Variants in THNSL1 observed in about 807,000 individuals in gnomAD.
THNSL1 encodes threonine synthase-like 1.
A neutral mutation model predicts 50.4 loss-of-function variants in THNSL1; 48 were observed. The observed-to-expected ratio is 0.95, with a 90% CI of 0.76 to 1.21. The LOEUF (loss-of-function observed/expected upper bound fraction) is 1.21. Ranked by LOEUF, THNSL1 falls within the 50% of genes most tolerant of loss-of-function variation. THNSL1 has a pLI of 0.00. For synonymous variants in THNSL1, 309 were observed against 306.1 expected, an observed-to-expected ratio of 1.01 and a Z score of -0.10; for missense variants, 896 against 871.7, an observed-to-expected ratio of 1.03 and a Z score of -0.35.
chr10:24,952,584 C>T, the THNSL1 span: 3 of 1,444,386 alleles, frequency 2.1e-6, no homozygotes, highest in Admixed American at 2.0e-5. This position sits in a 1 kb window ranked among gnomAD's most constrained non-coding sequence, Gnocchi z 5.1. Context: ...ATGTTTCTCC[C>T]GGGGAACGCG....
rs1350875780 is a variant in THNSL1, at chr10:25,025,644, G to A, written c.*189G>A. ...ACCTCCTCAGATCTTTAATCTGGAA[G>A]TGACAAAAGGTAACACAGTGCACGG... is the stretch of plus-strand genomic sequence containing the variant. On this transcript the variant is annotated 3_prime_UTR_variant, in exon 3 of 3. Transcript: ENST00000376356. The A allele has an allele frequency of 1.3e-5, 8 of 612,514 alleles. No homozygotes were observed. The allele number at this position is 612,514 out of a possible 1,614,324, so 37.9% of individuals were successfully genotyped here.
At position 25,025,228 on chromosome 10, in the gene THNSL1, TC is replaced by T. The variant is rs1276267957; in HGVS notation, c.2006del (p.Ser669Ter). 1 of 1,614,190 alleles carries T rather than the reference TC, an allele frequency of 6.2e-7. No homozygotes were observed. The highest frequency in any genetic ancestry group is 1.7e-5 in the Admixed American group (1 of 60,018). On this transcript the variant is annotated frameshift_variant, in exon 3 of 3. Transcript: ENST00000376356. LOFTEE classifies it high-confidence loss of function. ...GATTATCTCATCTACAGCCCATTAC[TC>T]AAAGTTTGCACCTGCTATCATGCAG... ...PVIISSTAHY[S>X]KFAPAIMQAL...
chr10:24,964,216 T>C, the THNSL1 span, among the ~76,000 whole-genome samples: 3 of 152,252 alleles, frequency 2.0e-5, no homozygotes, highest in Non-Finnish European at 4.4e-5. Context: ...ACTCATCCCC[T>C]GCTATTCTTT....
the THNSL1 span, among the ~76,000 whole-genome samples, chr10:24,994,096 G>A: frequency 6.6e-6 from 1 of 152,144 alleles, no homozygotes; most frequent in African/African-American, 2.4e-5. Flanking sequence ...AGTGTCCTCT[G>A]AAAACAGCCT....
chr10:25,019,865 CT>C (rs1283107805), intron 1 of THNSL1, among the ~76,000 whole-genome samples: 1 of 151,962 alleles, frequency 6.6e-6, no homozygotes, highest in African/African-American at 2.4e-5. Flanking sequence ...ATCCTCAAAT[CT>C]TTTTTTTCCA....
the THNSL1 span, among the ~76,000 whole-genome samples, chr10:24,975,963 T>C: frequency 6.6e-6 from 1 of 152,226 alleles, no homozygotes; most frequent in African/African-American, 2.4e-5. Flanking sequence ...GACATCTAAG[T>C]GATGGGAAAG....
the THNSL1 span, among the ~76,000 whole-genome samples, chr10:24,997,852 C>T: frequency 0.026 from 3,759 of 146,270 alleles, 155 homozygotes; most frequent in African/African-American, 0.094. Context: ...TATGTTTAAC[C>T]CTAGAGAGGC....
At chr10:24,956,666 T>C in the THNSL1 span, among the ~76,000 whole-genome samples, 6 of 152,176 alleles carry the variant, frequency 3.9e-5, no homozygotes, top group Admixed American at 2.6e-4. Context: ...GGTGAGAACA[T>C]TCAAAATTGT....
intron 1 of THNSL1, among the ~76,000 whole-genome samples, chr10:25,020,413 T>G (rs934416531): frequency 1.3e-5 from 2 of 152,112 alleles, no homozygotes; most frequent in African/African-American, 4.8e-5. Context: ...CCTTACAATC[T>G]ACTTTTAATG....
At chr10:24,958,446 T>C in the THNSL1 span, among the ~76,000 whole-genome samples, 1 of 152,246 alleles carries the variant, frequency 6.6e-6, no homozygotes, top group Admixed American at 6.5e-5. Context: ...AGTAAGACTC[T>C]TGCTAACTTT....
At chr10:25,016,073 C>G (rs1225539469), upstream of THNSL1, 3 of 1,401,210 alleles carry the variant, frequency 2.1e-6, no homozygotes, top group African/African-American at 2.9e-5. Flanking sequence ...TCCTTCACAT[C>G]GTCCCCCTTT....
the THNSL1 span, chr10:24,952,612 G>C: frequency 5.7e-6 from 9 of 1,565,340 alleles, no homozygotes; most frequent in South Asian, 7.0e-5. The surrounding 1 kb of genome is among the most constrained non-coding windows in gnomAD (Gnocchi z 5.1). Flanking sequence ...AAGACGGCGC[G>C]GGAAGGAGCA....
At chr10:24,969,054 C>T in the THNSL1 span, among the ~76,000 whole-genome samples, 5 of 152,124 alleles carry the variant, frequency 3.3e-5, no homozygotes, top group South Asian at 2.1e-4. Flanking sequence ...CCACTATGCC[C>T]GGCTAAGTCT....
the THNSL1 span, among the ~76,000 whole-genome samples, chr10:24,958,129 G>T: frequency 6.6e-6 from 1 of 151,994 alleles, no homozygotes; most frequent in Non-Finnish European, 1.5e-5. Context: ...AATTCTTTCT[G>T]CACTAGACTG....
chr10:25,019,969 C>T (rs1447830509), intron 1 of THNSL1, among the ~76,000 whole-genome samples: 1 of 151,934 alleles, frequency 6.6e-6, no homozygotes, highest in Non-Finnish European at 1.5e-5. Context: ...CCCGAGTGGC[C>T]ATTGCAGCAG....
At position 25,024,393 on chromosome 10, in the gene THNSL1, T is replaced by A. The variant is rs1384873689; in HGVS notation, c.1170T>A (p.Phe390Leu). The part of the protein sequence containing the change: ...GDTGSAVLNG[F>L]SRLNKNDKQR... ...CAGGGAGTGCAGTCTTAAATGGTTT[T>A]AGTCGTCTAAATAAGAATGATAAGC... Residue 390 changes from phenylalanine to leucine, a missense_variant, in exon 3 of 3, where the codon TTT becomes TTA. By Grantham distance (22) the Phe-to-Leu change is conservative. Coordinates refer to ENST00000376356, the MANE Select transcript of THNSL1 (RefSeq NM_024838.5). 6.2e-7 allele frequency: 1 copy of A among 1,613,956 alleles called. No homozygotes were observed. Among genetic ancestry groups the A allele is most frequent in the Non-Finnish European group, 8.5e-7 (1 of 1,180,014 alleles).
chr10:25,025,471 A>T lies in THNSL1; in HGVS notation c.*16A>T. On this transcript the variant is annotated 3_prime_UTR_variant, in exon 3 of 3. Coordinates refer to ENST00000376356, the MANE Select transcript of THNSL1 (RefSeq NM_024838.5). ...ATTCATATGAAAGCTTTCAGAGTAA[A>T]TTTTTTTTTCTAGCTATAAGCATGC... The T allele has an allele frequency of 1.9e-6, 3 of 1,580,448 alleles. No homozygotes were observed. Among genetic ancestry groups the T allele is most frequent in the South Asian group, 2.4e-5 (2 of 84,998 alleles).
rs1850832818 is a variant in THNSL1 at position 25,025,507 on chromosome 10, C to G, written c.*52C>G. ...TAGCTATAAGCATGCAATAATAAATCTCAAACACTGATTTGGAGTACAGTA... is the reference window on the plus strand; with the variant it reads ...TAGCTATAAGCATGCAATAATAAATGTCAAACACTGATTTGGAGTACAGTA... On this transcript the variant is annotated 3_prime_UTR_variant, in exon 3 of 3. Transcript: ENST00000376356. 1 of 1,497,886 alleles carries G rather than the reference C, an allele frequency of 6.7e-7. No homozygotes were observed. 92.8% of individuals were successfully genotyped at this position (1,497,886 alleles called of 1,614,324 possible). A position where few individuals can be genotyped will look rare whatever the true frequency, so the allele number is the denominator to read the frequency against.
At chr10:25,002,731 T>C in the THNSL1 span, among the ~76,000 whole-genome samples, 2 of 152,070 alleles carry the variant, frequency 1.3e-5, no homozygotes, top group East Asian at 1.9e-4. Flanking sequence ...AACATTATTG[T>C]TTTTTTCCTT....
Sources: allele counts gnomAD v4.1 joint callset (sites outside exome capture counted in the v4.1 genomes callset), GRCh38; gene constraint gnomAD v4.1.1; non-coding constraint Gnocchi (gnomAD v3.1); transcripts MANE v1.5; gene names NCBI Gene and HGNC (gene_info 2026-07-23, HGNC 2026-07-21).